SNAPIN: variants seen among roughly 807,000 people sequenced by gnomAD.
The protein encoded by SNAPIN is SNARE-associated protein Snapin.
Under a neutral mutation model 15.9 loss-of-function variants are expected in SNAPIN, and 16 were observed. That is an observed-to-expected ratio of 1.01 (90% CI 0.68 to 1.53). The LOEUF is 1.53. Among genes scored for constraint, SNAPIN ranks in the 40% most tolerant of loss-of-function variants. SNAPIN has a pLI of 0.00. For synonymous variants in SNAPIN, 83 were observed against 76.2 expected (o/e 1.09, Z -0.46); for missense variants, 186 against 180.1 (o/e 1.03, Z -0.19).
chr1:153,659,678 C>A, intron 3 of SNAPIN, 112 bp downstream of exon 3: 1 of 759,986 alleles, frequency 1.3e-6, no homozygotes, highest in Non-Finnish European at 2.3e-6. Flanking sequence ...TTCACTTCTC[C>A]CAGTACTTGA....
intron 3 of SNAPIN, among the ~76,000 whole-genome samples, chr1:153,660,372 G>A (rs897801821): frequency 6.6e-6 from 1 of 150,736 alleles, no homozygotes; most frequent in African/African-American, 2.4e-5. Context: ...GGATCGGCTG[G>A]GCGCGGTGGC....
At position 153,658,764 on chromosome 1, in the gene SNAPIN, C is replaced by T; in HGVS notation, c.21C>T (p.Ala7=). The change falls in exon 1 of 4, where the codon GCC becomes GCT. Residue 7 remains alanine, a synonymous_variant. Coordinates refer to ENST00000368685, the MANE Select transcript of SNAPIN (RefSeq NM_012437.6). The part of the protein sequence containing the change: MAGAGS[A]AVSGAGTPVA... ...TCGTGATGGCGGGGGCTGGTTCCGC[C>T]GCTGTATCGGGGGCAGGGACCCCGG... 6.4e-7 allele frequency: 1 copy of T among 1,569,698 alleles called. No individual in the cohort carries two copies. Among genetic ancestry groups the T allele is most frequent in the Non-Finnish European group, 8.6e-7 (1 of 1,165,738 alleles).
At chr1:153,659,373 C>A (rs1669093952) in intron 2 of SNAPIN, 75 bp from the exon 3 acceptor site, 24 of 1,338,872 alleles carry the variant, frequency 1.8e-5, no homozygotes, top group Middle Eastern at 1.8e-4. Flanking sequence ...GTTTTCCATC[C>A]CATTACCAGC....
chr1:153,661,125 T>C, intron 3 of SNAPIN, 75 bp from the exon 4 acceptor site: 1 of 1,235,796 alleles, frequency 8.1e-7, no homozygotes, highest in African/African-American at 1.5e-5. Context: ...CGCCCGGTAT[T>C]TTTCAGCACC....
intron 3 of SNAPIN, among the ~76,000 whole-genome samples, chr1:153,660,688 A>G (rs1385420258): frequency 1.3e-5 from 2 of 149,046 alleles, no homozygotes; most frequent in African/African-American, 2.5e-5. Flanking sequence ...GGCTATCACT[A>G]TGGTGCCCAG....
upstream of SNAPIN, chr1:153,658,689 G>C: frequency 6.8e-7 from 1 of 1,477,926 alleles, no homozygotes; most frequent in Non-Finnish European, 8.9e-7. Flanking sequence ...AGTGCGGCGC[G>C]GCTCCGGTTC....
At position 153,659,458 on chromosome 1, in the gene SNAPIN, CA is replaced by C; in HGVS notation, c.202del (p.Ile68Ter). 1 of 1,613,408 alleles carries C rather than the reference CA, an allele frequency of 6.2e-7. No homozygotes were observed. The highest frequency in any genetic ancestry group is 1.3e-5 in the African/African-American group (1 of 74,990). On this transcript the variant is annotated frameshift_variant, in exon 3 of 4. Transcript: ENST00000368685. LOFTEE classifies it high-confidence loss of function. ...IDNLATELCR[I>X]NEDQKVALDL... ...TACTTCCATCCCCAGAACTGTGCCG[CA>C]TAAATGAGGATCAGAAGGTGGCCCT...
In SNAPIN at chr1:153,659,386, G is replaced by A. The variant is rs149769346; in HGVS notation, c.191-62G>A. The A allele has an allele frequency of 2.3e-5, 32 of 1,418,026 alleles. No homozygotes were observed. The African/African-American group carries it at 4.5e-4, about 20-fold the overall frequency. The allele number at this position is 1,418,026 out of a possible 1,614,324, so 87.8% of individuals were successfully genotyped here. A position where few individuals can be genotyped will look rare whatever the true frequency, so the allele number is the denominator to read the frequency against. ...GTGTTTTCCATCCCATTACCAGCCT[G>A]CTTTCCCTCAGAACAAGAGATAAGC... is the stretch of plus-strand genomic sequence containing the variant. On this transcript the variant is annotated intron_variant, in intron 2 of 3. Coordinates refer to ENST00000368685, the MANE Select transcript of SNAPIN (RefSeq NM_012437.6).
chr1:153,658,701 C>T (rs758984669), upstream of SNAPIN: 3 of 1,487,464 alleles, frequency 2.0e-6, no homozygotes, highest in Non-Finnish European at 8.9e-7. Context: ...CTCCGGTTCC[C>T]GGCGGCCCTC....
intron 1 of SNAPIN, 34 bp downstream of exon 1, chr1:153,658,920 C>A: frequency 1.2e-6 from 2 of 1,606,652 alleles, no homozygotes; most frequent in Non-Finnish European, 1.7e-6. Context: ...CGGGGCCTGT[C>A]TCTCTGGCTT....
chr1:153,661,212 C>T lies in SNAPIN; in HGVS notation c.322C>T (p.Arg108Trp), dbSNP rs758738648. Residue 108 changes from arginine to tryptophan, a missense_variant, in exon 4 of 4, where the codon CGG (arginine) becomes TGG (tryptophan). Transcript: ENST00000368685. Reference sequence around the variant, plus strand: ...CCTTGTCTTGTAGGAACGACTGAGACGGCTAAACCACAGTGTTGCCAAGGA... The same window carrying T: ...CCTTGTCTTGTAGGAACGACTGAGATGGCTAAACCACAGTGTTGCCAAGGA... ...ILQNAQERLR[R>W]LNHSVAKETA... 1.6e-5 allele frequency: 26 copies of T among 1,613,370 alleles called. No homozygotes were observed. Among genetic ancestry groups the T allele is most frequent in the African/African-American group, 2.7e-5 (2 of 74,896 alleles).
chr1:153,659,498 T>G lies in SNAPIN; in HGVS notation c.241T>G (p.Tyr81Asp). The G allele has an allele frequency of 6.2e-7, 1 of 1,614,102 alleles. No homozygotes were observed. ...DQKVALDLDP[Y>D]VKKLLNARRR... is the part of the protein sequence containing the mutation. The stretch of plus-strand genomic sequence containing the variant: ...GAAGGTGGCCCTGGATCTTGACCCC[T>G]ATGTTAAGAAGCTACTTAATGCCCG... The change falls in exon 3 of 4, where the codon TAT becomes GAT. Residue 81 changes from tyrosine (Y) to aspartate (D), a missense_variant. Tyr to Asp is a radical substitution (Grantham distance 160). Transcript: ENST00000368685.
intron 3 of SNAPIN, among the ~76,000 whole-genome samples, chr1:153,659,826 G>A (rs1253555500): frequency 1.3e-5 from 2 of 151,798 alleles, no homozygotes; most frequent in Non-Finnish European, 1.5e-5. Context: ...TGCAACCTCC[G>A]CCCCCTGGGC....
intron 2 of SNAPIN, 52 bp from the exon 3 acceptor site, chr1:153,659,396 A>G (rs1191781322): frequency 1.4e-6 from 2 of 1,471,584 alleles, no homozygotes; most frequent in East Asian, 2.3e-5. Context: ...GCTTTCCCTC[A>G]GAACAAGAGA....
Position 153,661,281 on chromosome 1 carries a change from C to T in SNAPIN, c.391C>T (p.Pro131Ser). 6.2e-7 allele frequency: 1 copy of T among 1,613,364 alleles called. No individual in the cohort carries two copies. Among genetic ancestry groups the T allele is most frequent in the Non-Finnish European group, 8.5e-7 (1 of 1,179,512 alleles). ...AATGCTGGATTCGGGAATTTACCCC[C>T]CTGGCTCCCCAGGCAAATAACAGAT... ...RAMLDSGIYP[P>S]GSPGK The change falls in exon 4 of 4, where the codon CCT (proline) becomes TCT (serine). Residue 131 changes from proline to serine, a missense_variant. Coordinates refer to ENST00000368685, the MANE Select transcript of SNAPIN (RefSeq NM_012437.6).
At chr1:153,659,401 A>G (rs773266797) in intron 2 of SNAPIN, 47 bp from the exon 3 acceptor site, 30 of 1,489,794 alleles carry the variant, frequency 2.0e-5, no homozygotes, top group Admixed American at 3.4e-5. Context: ...CCCTCAGAAC[A>G]AGAGATAAGC....
At chr1:153,658,974 T>A in intron 1 of SNAPIN, 88 bp downstream of exon 1, 2 of 1,592,668 alleles carry the variant, frequency 1.3e-6, no homozygotes, top group Non-Finnish European at 1.7e-6. Flanking sequence ...GGAGTGGGCA[T>A]AAATTTAGGA....
intron 1 of SNAPIN, 109 bp from the exon 2 acceptor site, chr1:153,659,029 A>G (rs893220306): frequency 6.5e-7 from 1 of 1,547,540 alleles, no homozygotes; most frequent in Non-Finnish European, 8.9e-7. Flanking sequence ...CCGCAGGTGG[A>G]GGGTTCAGCG....
chr1:153,659,017 G>T (rs1027242199), intron 1 of SNAPIN, 121 bp from the exon 2 acceptor site: 1 of 1,549,454 alleles, frequency 6.5e-7, no homozygotes, highest in Non-Finnish European at 8.8e-7. Flanking sequence ...CAGGCGGGAA[G>T]GCCGCAGGTG....
Sources: gnomAD v4.1 joint callset for allele counts (sites outside exome capture counted in the v4.1 genomes callset) on GRCh38, gnomAD v4.1.1 for gene constraint, MANE v1.5 for transcripts, NCBI Gene and HGNC (gene_info 2026-07-23, HGNC 2026-07-21) for gene names.